The following SULF1 variants were observed in gnomAD, a reference collection of about 807,000 sequenced individuals.
SULF1 encodes sulfatase 1.
A neutral mutation model predicts 110.5 loss-of-function variants in SULF1; 46 were observed. The ratio of observed to expected loss-of-function variants is 0.42; its 90% CI spans 0.33 to 0.53. The LOEUF is 0.53. SULF1 is among the 20% of genes least tolerant of loss of function. SULF1 has a pLI of 0.12. For missense variants in SULF1, 941 were observed against 1,094.2 expected (o/e 0.86, Z 1.98); for synonymous variants, 371 against 387.1 (o/e 0.96, Z 0.49).
At position 69,628,219 on chromosome 8, in the gene SULF1, C is replaced by G. The variant is rs770518313; in HGVS notation, c.2091C>G (p.Ser697Arg). ...TAAAAAAGCAAGAGAAATTAAAGAG[C>G]CATCTTCACCCATTCAAGTAAGTAA... ...KGVKKQEKLK[S>R]HLHPFKEAAQ... Residue 697 changes from serine (S) to arginine (R), a missense_variant, in exon 18 of 23, where the codon AGC becomes AGG. This residue lies in a region of SULF1 where 822 missense variants were observed against 934.3 expected (regional missense o/e 0.88). Coordinates refer to ENST00000402687, the MANE Select transcript of SULF1 (RefSeq NM_001128205.2). 1.7e-5 allele frequency: 27 copies of G among 1,613,634 alleles called. No individual in the cohort carries two copies. In the Admixed American group the frequency reaches 4.5e-4, roughly 27 times the overall value.
intron 19 of SULF1, among the ~76,000 whole-genome samples, chr8:69,636,539 G>GAA (rs796254343): frequency 0.025 from 3,660 of 144,198 alleles, 144 homozygotes; most frequent in African/African-American, 0.088. Context: ...TCCATCTCAA[G>GAA]AAAAAAAAAA....
intron 11 of SULF1, 39 bp from the exon 12 acceptor site, chr8:69,603,561 T>G: frequency 6.4e-7 from 1 of 1,568,314 alleles, no homozygotes; most frequent in Non-Finnish European, 8.8e-7. Context: ...TGGAAAAACG[T>G]CCAGATGCCA....
At chr8:69,536,062 TCA>T (rs1813412190) in intron 3 of SULF1, among the ~76,000 whole-genome samples, 1 of 151,948 alleles carries the variant, frequency 6.6e-6, no homozygotes, top group South Asian at 2.1e-4. Context: ...CACCAGCACC[TCA>T]CTCTTTTTCA....
At chr8:69,491,650 C>A (rs1809946533), upstream of SULF1, among the ~76,000 whole-genome samples, 2 of 152,212 alleles carry the variant, frequency 1.3e-5, no homozygotes, top group Non-Finnish European at 2.9e-5. Flanking sequence ...TTGCATATAT[C>A]CGACAACCGT....
chr8:69,595,657 C>G (rs1351588989), intron 8 of SULF1, among the ~76,000 whole-genome samples: 1 of 152,140 alleles, frequency 6.6e-6, no homozygotes, highest in South Asian at 2.1e-4. Flanking sequence ...TTTCATTTCT[C>G]AGAGAATGAT....
chr8:69,580,538 G>T (rs1299395171), intron 6 of SULF1, among the ~76,000 whole-genome samples: 2 of 152,130 alleles, frequency 1.3e-5, no homozygotes, highest in African/African-American at 4.8e-5. Context: ...GCAGAGATTG[G>T]CCTAGAATGA....
intron 1 of SULF1, among the ~76,000 whole-genome samples, chr8:69,477,351 A>G (rs1809342277): frequency 6.6e-6 from 1 of 152,170 alleles, no homozygotes; most frequent in Non-Finnish European, 1.5e-5. Context: ...ATAGCTGTCT[A>G]TTCATCTAAC....
chr8:69,655,852 A>T (rs1432699735), intron 22 of SULF1, among the ~76,000 whole-genome samples: 3 of 152,224 alleles, frequency 2.0e-5, no homozygotes, highest in Admixed American at 6.5e-5. Context: ...TAGTTGCATT[A>T]TTTCTAGCGT....
chr8:69,562,134 T>A (rs1240091761), intron 3 of SULF1, among the ~76,000 whole-genome samples: 1 of 152,232 alleles, frequency 6.6e-6, no homozygotes, highest in Non-Finnish European at 1.5e-5. Flanking sequence ...TTTCTTCTTG[T>A]CTCTTTCTCT....
At chr8:69,530,901 T>A (rs1053279907) in intron 3 of SULF1, among the ~76,000 whole-genome samples, 3 of 152,182 alleles carry the variant, frequency 2.0e-5, no homozygotes, top group Non-Finnish European at 4.4e-5. Flanking sequence ...AGGGGTAGAA[T>A]GGAATGAGGT....
intron 22 of SULF1, among the ~76,000 whole-genome samples, chr8:69,643,269 A>G (rs1293681612): frequency 6.6e-6 from 1 of 152,234 alleles, no homozygotes; most frequent in Non-Finnish European, 1.5e-5. Context: ...TTGAATGAGA[A>G]CAGATGCAAA....
intron 5 of SULF1, among the ~76,000 whole-genome samples, chr8:69,568,154 T>C (rs1406424187): frequency 6.6e-6 from 1 of 152,196 alleles, no homozygotes; most frequent in Non-Finnish European, 1.5e-5. Flanking sequence ...ATGCAAACCT[T>C]TTTGCACCTG....
chr8:69,608,238 A>G (rs910915803), intron 13 of SULF1, among the ~76,000 whole-genome samples: 2 of 152,156 alleles, frequency 1.3e-5, no homozygotes, highest in Non-Finnish European at 2.9e-5. Context: ...GAGAAAATTA[A>G]CCTCACCCTT....
At chr8:69,620,402 C>A (rs1453368341) in intron 13 of SULF1, among the ~76,000 whole-genome samples, 2 of 152,180 alleles carry the variant, frequency 1.3e-5, no homozygotes, top group Non-Finnish European at 2.9e-5. Flanking sequence ...GAGGGTGAGG[C>A]CTTTGCCAGG....
chr8:69,518,708 C>A (rs984124779), intron 3 of SULF1, among the ~76,000 whole-genome samples: 1 of 152,084 alleles, frequency 6.6e-6, no homozygotes, highest in African/African-American at 2.4e-5. Flanking sequence ...CATGTGTGAT[C>A]AATGAGTTCT....
At chr8:69,601,059 C>T (rs1024333286) in intron 9 of SULF1, among the ~76,000 whole-genome samples, 24 of 152,164 alleles carry the variant, frequency 1.6e-4, no homozygotes, top group African/African-American at 5.1e-4. Flanking sequence ...TTGTGCTGAA[C>T]TTGAACTTTA....
chr8:69,528,101 A>G (rs1339243783), intron 3 of SULF1, among the ~76,000 whole-genome samples: 5 of 152,148 alleles, frequency 3.3e-5, no homozygotes, highest in Non-Finnish European at 7.4e-5. Context: ...AATCCTTTTC[A>G]GTCTCCTTGC....
intron 19 of SULF1, among the ~76,000 whole-genome samples, chr8:69,630,511 C>T (rs556511557): frequency 6.6e-6 from 1 of 152,172 alleles, no homozygotes; most frequent in African/African-American, 2.4e-5. Context: ...TTTATGTTTT[C>T]CCTTTCCATT....
At chr8:69,610,938 A>G (rs1808602441) in intron 13 of SULF1, among the ~76,000 whole-genome samples, 1 of 151,852 alleles carries the variant, frequency 6.6e-6, no homozygotes, top group Non-Finnish European at 1.5e-5. Context: ...TTACATGTGA[A>G]TCCCACTTTC....
Sources: gnomAD v4.1 joint callset for allele counts (sites outside exome capture counted in the v4.1 genomes callset) on GRCh38, gnomAD v4.1.1 for gene constraint, gnomAD v4.1.1 regional missense constraint, MANE v1.5 for transcripts, NCBI Gene and HGNC (gene_info 2026-07-23, HGNC 2026-07-21) for gene names.